Variants in CHCHD3 observed in about 807,000 individuals in gnomAD.
The protein encoded by CHCHD3 is coiled-coil-helix-coiled-coil-helix domain containing 3.
CHCHD3 carries 20 observed loss-of-function variants against 38.2 expected under a neutral mutation model. That is an observed-to-expected ratio of 0.52 (90% CI 0.37 to 0.76). CHCHD3 has a LOEUF of 0.76. Among genes scored for constraint, CHCHD3 ranks in the 30% least tolerant of loss-of-function variants. The probability of loss-of-function intolerance (pLI) is 0.00; values close to 1 mark genes in which losing one functional copy is unlikely to be tolerated. For synonymous variants in CHCHD3, 82 were observed against 100.0 expected (o/e 0.82, Z 1.07); for missense variants, 245 against 279.2 (o/e 0.88, Z 0.87).
At chr7:133,021,948 G>A (rs1258578116) in intron 3 of CHCHD3, among the ~76,000 whole-genome samples, 1 of 152,020 alleles carries the variant, frequency 6.6e-6, no homozygotes, top group Non-Finnish European at 1.5e-5. Context: ...TCAGCCGGGT[G>A]TGGTGGCGGG....
chr7:132,978,229 G>A (rs1011626232), intron 3 of CHCHD3, among the ~76,000 whole-genome samples: 1 of 152,136 alleles, frequency 6.6e-6, no homozygotes, highest in African/African-American at 2.4e-5. Flanking sequence ...GTGATTTTAC[G>A]AAATGAAGAA....
rs191090720 is a variant in CHCHD3, at chr7:132,839,020, G to A, written c.454-551C>T. 1.7e-3 allele frequency among the ~76,000 whole-genome samples: 262 copies of A among 151,696 alleles called. 2 individuals carry two copies. Among genetic ancestry groups the A allele is most frequent in the African/African-American group, 6.0e-3 (247 of 41,364 alleles). On this transcript the variant is annotated intron_variant, in intron 5 of 7. Transcript: ENST00000262570. Reference sequence around the variant, plus strand: ...AGCCTGACCAATATGGAGAAACCACGTCTCTACTTTAAAAAAAAAAAATTA... The same window carrying A: ...AGCCTGACCAATATGGAGAAACCACATCTCTACTTTAAAAAAAAAAAATTA...
rs1807545123 is a variant in CHCHD3 at position 132,827,839 on chromosome 7, A to AT, written c.524+10559_524+10560insA. On this transcript the variant is annotated intron_variant, in intron 6 of 7. Coordinates refer to ENST00000262570, the MANE Select transcript of CHCHD3 (RefSeq NM_017812.4). The stretch of plus-strand genomic sequence containing the variant: ...ATGTTTGAGATCCATCCGTGCTGTT[A>AT]CATGTATCGATAGTTTGCTCTTCTC... Among the ~76,000 whole-genome samples the AT allele has an allele frequency of 2.6e-5, 4 of 152,298 alleles. No homozygotes were observed. In the South Asian group the frequency reaches 8.3e-4, roughly 32 times the overall value.
chr7:133,062,898 C>T (rs1408637244), intron 2 of CHCHD3, among the ~76,000 whole-genome samples: 3 of 152,044 alleles, frequency 2.0e-5, no homozygotes, highest in East Asian at 3.9e-4. Context: ...TAATATAAAG[C>T]AGCTGAAGCC....
chr7:132,837,000 T>C (rs1279479155), intron 6 of CHCHD3, among the ~76,000 whole-genome samples: 1 of 152,192 alleles, frequency 6.6e-6, no homozygotes, highest in East Asian at 1.9e-4. Flanking sequence ...AAGACACTGC[T>C]TTGTCACCCA....
intron 4 of CHCHD3, among the ~76,000 whole-genome samples, chr7:132,928,768 A>C (rs1263938059): frequency 6.6e-6 from 1 of 152,174 alleles, no homozygotes; most frequent in Non-Finnish European, 1.5e-5. Context: ...TAAATCCCTT[A>C]ATTGAGAAAA....
chr7:132,870,871 T>A (rs1188960979), intron 5 of CHCHD3, among the ~76,000 whole-genome samples: 1 of 152,202 alleles, frequency 6.6e-6, no homozygotes. Flanking sequence ...GGTTTCTGTT[T>A]CATTGCTTGA....
intron 7 of CHCHD3, among the ~76,000 whole-genome samples, chr7:132,790,053 T>A (rs1806419378): frequency 6.6e-6 from 1 of 152,210 alleles, no homozygotes; most frequent in South Asian, 2.1e-4. Flanking sequence ...CAAGTACTGT[T>A]CTTCACTACC....
intron 6 of CHCHD3, among the ~76,000 whole-genome samples, chr7:132,820,012 TC>T (rs1807304037): frequency 6.6e-6 from 1 of 152,242 alleles, no homozygotes; most frequent in African/African-American, 2.4e-5. Context: ...TGTCCCAACT[TC>T]TATATTATGA....
In CHCHD3 at chr7:132,920,634, G is replaced by A. The variant is rs190045863; in HGVS notation, c.370-34889C>T. On this transcript the variant is annotated intron_variant, in intron 4 of 7. Coordinates refer to ENST00000262570, the MANE Select transcript of CHCHD3 (RefSeq NM_017812.4). ...AAAAATGGTCATGAAGGTTCCAGAT[G>A]CTGACAGAATGCTTTTGTGTGTTTT... 4.9e-4 allele frequency among the ~76,000 whole-genome samples: 75 copies of A among 152,290 alleles called. 1 individual carries two copies. Among genetic ancestry groups the A allele is most frequent in the African/African-American group, 1.8e-3 (75 of 41,574 alleles).
intron 2 of CHCHD3, among the ~76,000 whole-genome samples, chr7:133,025,755 T>C (rs1813318520): frequency 6.6e-6 from 1 of 152,158 alleles, no homozygotes; most frequent in Non-Finnish European, 1.5e-5. Flanking sequence ...CCGCCCACCT[T>C]GGCCTCCCAA....
At chr7:132,900,108 A>C (rs1809627439) in intron 4 of CHCHD3, among the ~76,000 whole-genome samples, 1 of 152,224 alleles carries the variant, frequency 6.6e-6, no homozygotes, top group African/African-American at 2.4e-5. Flanking sequence ...ACAGAGCCTA[A>C]GCCTTAGCAA....
chr7:132,844,432 C>G (rs1005329317), intron 5 of CHCHD3, among the ~76,000 whole-genome samples: 1 of 152,176 alleles, frequency 6.6e-6, no homozygotes, highest in Non-Finnish European at 1.5e-5. Context: ...CCTTTACAGT[C>G]TAAAATAAAA....
chr7:132,857,942 C>G (rs1198586120), intron 5 of CHCHD3, among the ~76,000 whole-genome samples: 1 of 152,206 alleles, frequency 6.6e-6, no homozygotes, highest in Non-Finnish European at 1.5e-5. Flanking sequence ...GGATAACTCC[C>G]GTCTTCTGGG....
chr7:132,986,787 G>A (rs1812135767), intron 3 of CHCHD3, among the ~76,000 whole-genome samples: 1 of 152,162 alleles, frequency 6.6e-6, no homozygotes, highest in Admixed American at 6.5e-5. Flanking sequence ...TAGTAAAGAA[G>A]AGAAGCAAGT....
At chr7:133,081,682 C>A (rs1336123303) in intron 1 of CHCHD3, among the ~76,000 whole-genome samples, 175 bp downstream of exon 1, 1 of 152,250 alleles carries the variant, frequency 6.6e-6, no homozygotes, top group African/African-American at 2.4e-5. Flanking sequence ...GGAACTATCT[C>A]TGAATGAATG....
At chr7:132,970,281 G>C (rs1203997190) in intron 4 of CHCHD3, among the ~76,000 whole-genome samples, 1 of 152,082 alleles carries the variant, frequency 6.6e-6, no homozygotes, top group Non-Finnish European at 1.5e-5. Flanking sequence ...GTCAGCTCAG[G>C]GGTCCTTTCC....
chr7:132,832,873 T>C (rs770648928), intron 6 of CHCHD3, among the ~76,000 whole-genome samples: 2 of 152,206 alleles, frequency 1.3e-5, no homozygotes, highest in Non-Finnish European at 2.9e-5. Flanking sequence ...TGCTATTCTA[T>C]CATGAGTGCT....
At chr7:132,867,383 T>A (rs1159410120) in intron 5 of CHCHD3, among the ~76,000 whole-genome samples, 1 of 152,212 alleles carries the variant, frequency 6.6e-6, no homozygotes, top group Non-Finnish European at 1.5e-5. Flanking sequence ...AGGTATTACT[T>A]TTTAAAGCTT....
Sources: gnomAD v4.1 joint callset for allele counts (sites outside exome capture counted in the v4.1 genomes callset) on GRCh38, gnomAD v4.1.1 for gene constraint, MANE v1.5 for transcripts, NCBI Gene and HGNC (gene_info 2026-07-23, HGNC 2026-07-21) for gene names.